The following CRB1 variants were observed in gnomAD, a reference collection of about 807,000 sequenced individuals.
CRB1 encodes crumbs cell polarity complex component 1, also known as protein crumbs homolog 1.
A neutral mutation model predicts 120.0 loss-of-function variants in CRB1; 83 were observed. That is an observed-to-expected ratio of 0.69 (90% confidence interval 0.58 to 0.83). The LOEUF (loss-of-function observed/expected upper bound fraction) is 0.83. Ranked by LOEUF, CRB1 falls within the 40% of genes least tolerant of loss-of-function variation. CRB1 has a pLI of 0.00. For synonymous variants in CRB1, 625 were observed against 612.5 expected, an observed-to-expected ratio of 1.02 and a Z score of -0.30; for missense variants, 1,699 against 1,687.6, an observed-to-expected ratio of 1.01 and a Z score of -0.12.
At chr1:197,296,465 T>C (rs1256458451) in intron 1 of CRB1, among the ~76,000 whole-genome samples, 2 of 152,114 alleles carry the variant, frequency 1.3e-5, no homozygotes, top group African/African-American at 2.4e-5. Context: ...CTGAATTTCC[T>C]TCATATTTTC....
chr1:197,249,118 A>G, the CRB1 span, among the ~76,000 whole-genome samples: 1 of 151,874 alleles, frequency 6.6e-6, no homozygotes, highest in Non-Finnish European at 1.5e-5. Flanking sequence ...TTGTAATTCA[A>G]GTGTTGCATA....
At chr1:197,419,555 A>G (rs1220091950) in intron 5 of CRB1, among the ~76,000 whole-genome samples, 1 of 151,880 alleles carries the variant, frequency 6.6e-6, no homozygotes, top group Non-Finnish European at 1.5e-5. Flanking sequence ...TAAAGATAGG[A>G]TTTCACCATG....
intron 1 of CRB1, chr1:197,304,560 A>C (rs1360544610): frequency 5.8e-6 from 1 of 173,266 alleles, no homozygotes; most frequent in Non-Finnish European, 1.1e-5. Flanking sequence ...CCCTCCACCT[A>C]TGTGGTTTTC....
rs1021960997 is a variant in CRB1, at chr1:197,281,649, G to A, written c.70+13167G>A. ...AATGATGGAGACCTCAAACAGCGTGGTCCTGGTAAGGAAGAAGCAGAGTGG... is the reference window on the plus strand; with the variant it reads ...AATGATGGAGACCTCAAACAGCGTGATCCTGGTAAGGAAGAAGCAGAGTGG... On this transcript the variant is annotated intron_variant, in intron 1 of 11. Transcript: ENST00000367400. Among the ~76,000 whole-genome samples, 7 of 152,012 alleles carry A rather than the reference G, an allele frequency of 4.6e-5. No individual in the cohort carries two copies. In the South Asian group the frequency reaches 1.0e-3, roughly 23 times the overall value.
intron 11 of CRB1, among the ~76,000 whole-genome samples, chr1:197,462,123 G>A (rs1666558756): frequency 6.6e-6 from 1 of 152,044 alleles, no homozygotes; most frequent in Admixed American, 6.6e-5. Flanking sequence ...ATGTAATGTT[G>A]TCGTTCTTGA....
At chr1:197,472,623 T>C (rs1209259528) in intron 11 of CRB1, among the ~76,000 whole-genome samples, 2 of 152,214 alleles carry the variant, frequency 1.3e-5, no homozygotes, top group Admixed American at 1.3e-4. Context: ...TAGGTCCTGA[T>C]GCTGACAACA....
chr1:197,377,982 T>A (rs1322075451), intron 5 of CRB1, among the ~76,000 whole-genome samples: 1 of 152,212 alleles, frequency 6.6e-6, no homozygotes, highest in African/African-American at 2.4e-5. Flanking sequence ...TCTTAGTTAA[T>A]TGGCTTATGG....
At chr1:197,473,628 AAAC>A (rs1222208829) in intron 11 of CRB1, among the ~76,000 whole-genome samples, 2 of 152,018 alleles carry the variant, frequency 1.3e-5, no homozygotes, top group Admixed American at 6.6e-5. Flanking sequence ...GAAAAAAAAA[AAAC>A]AATTCTACAT....
At chr1:197,311,447 CT>C (rs992538606) in intron 1 of CRB1, among the ~76,000 whole-genome samples, 7 of 152,250 alleles carry the variant, frequency 4.6e-5, no homozygotes, top group African/African-American at 1.7e-4. Context: ...TGAATAACCC[CT>C]GGAAATCTAA....
chr1:197,436,259 A>T (rs559792502), intron 9 of CRB1, among the ~76,000 whole-genome samples: 1 of 152,164 alleles, frequency 6.6e-6, no homozygotes, highest in Non-Finnish European at 1.5e-5. Context: ...AAATGTTATT[A>T]AGAAAATCAT....
chr1:197,258,568 CT>C, the CRB1 span, among the ~76,000 whole-genome samples: 1 of 152,178 alleles, frequency 6.6e-6, no homozygotes, highest in Admixed American at 6.5e-5. Context: ...AGCATTACCA[CT>C]GTTCATCACT....
At chr1:197,216,431 A>G in the CRB1 span, among the ~76,000 whole-genome samples, 1 of 152,328 alleles carries the variant, frequency 6.6e-6, no homozygotes, top group East Asian at 1.9e-4. Flanking sequence ...GAATAAATAA[A>G]CTAGCTGGAA....
chr1:197,327,217 A>C (rs1480877769), intron 1 of CRB1, among the ~76,000 whole-genome samples: 2 of 151,944 alleles, frequency 1.3e-5, no homozygotes, highest in Non-Finnish European at 2.9e-5. Context: ...TCGCTGGTAA[A>C]TCTCCTATGA....
At chr1:197,414,060 T>C (rs78213012) in intron 5 of CRB1, 7,205 of 391,506 alleles carry the variant, frequency 0.018, 411 homozygotes, top group African/African-American at 0.13. Flanking sequence ...TTTAAGATGT[T>C]TATTTAGCAA....
chr1:197,373,094 C>T (rs1388568337), intron 5 of CRB1, among the ~76,000 whole-genome samples: 2 of 152,112 alleles, frequency 1.3e-5, no homozygotes, highest in African/African-American at 4.8e-5. Context: ...GGCCATGAAA[C>T]TAGGGTGTCC....
At chr1:197,232,421 C>T in the CRB1 span, among the ~76,000 whole-genome samples, 2 of 151,720 alleles carry the variant, frequency 1.3e-5, no homozygotes, top group South Asian at 2.1e-4. Flanking sequence ...GGAGTCAGGT[C>T]GATGCAGTTA....
intron 1 of CRB1, among the ~76,000 whole-genome samples, chr1:197,308,670 A>G (rs1030990580): frequency 2.0e-5 from 3 of 152,048 alleles, no homozygotes; most frequent in African/African-American, 7.2e-5. Context: ...AGATTTATCT[A>G]TTAGTTGTAT....
chr1:197,426,445 T>A (rs1269304988), intron 6 of CRB1, among the ~76,000 whole-genome samples: 2 of 152,148 alleles, frequency 1.3e-5, no homozygotes, highest in East Asian at 3.9e-4. Flanking sequence ...TCTGACATAT[T>A]ATATAGTTTG....
intron 5 of CRB1, among the ~76,000 whole-genome samples, chr1:197,410,384 G>T (rs1386242307): frequency 3.9e-5 from 6 of 152,126 alleles, no homozygotes; most frequent in Admixed American, 6.5e-5. Flanking sequence ...TCACGTACAG[G>T]GACTGACCTC....
Sources: gnomAD v4.1 joint callset for allele counts (sites outside exome capture counted in the v4.1 genomes callset) on GRCh38, gnomAD v4.1.1 for gene constraint, MANE v1.5 for transcripts, NCBI Gene and HGNC (gene_info 2026-07-23, HGNC 2026-07-21) for gene names.